Variants in GALNT17 observed in about 807,000 individuals in gnomAD.
The protein encoded by GALNT17 is polypeptide N-acetylgalactosaminyltransferase 17.
In GALNT17, 29 loss-of-function variants were observed where a neutral mutation model predicts 63.7. The observed-to-expected ratio is 0.46, with a 90% CI of 0.34 to 0.62. The LOEUF is 0.62. GALNT17 is among the 20% of genes least tolerant of loss of function. The pLI is 0.01. For synonymous variants in GALNT17, 305 were observed against 318.3 expected (o/e 0.96, Z 0.45); for missense variants, 603 against 799.6 (o/e 0.75, Z 2.97).
intron 2 of GALNT17, among the ~76,000 whole-genome samples, chr7:71,386,203 C>A (rs1792940457): frequency 6.6e-6 from 1 of 152,192 alleles, no homozygotes. Context: ...CTCCAGGAGA[C>A]AAACACATAT....
At chr7:71,423,556 G>T (rs139598504) in intron 5 of GALNT17, among the ~76,000 whole-genome samples, 1 of 152,200 alleles carries the variant, frequency 6.6e-6, no homozygotes, top group East Asian at 1.9e-4. Context: ...AATGAAGTAG[G>T]GATGAAGACT....
chr7:71,702,237 A>G (rs1791662063), intron 9 of GALNT17, among the ~76,000 whole-genome samples: 1 of 152,058 alleles, frequency 6.6e-6, no homozygotes, highest in Non-Finnish European at 1.5e-5. Context: ...ATTATGCAAT[A>G]TATCCATGTA....
At chr7:71,501,100 G>A (rs1476223324) in intron 5 of GALNT17, among the ~76,000 whole-genome samples, 1 of 152,082 alleles carries the variant, frequency 6.6e-6, no homozygotes, top group East Asian at 1.9e-4. Context: ...CTCCTGAGTA[G>A]CTGGGATTAC....
chr7:71,137,727 G>C (rs186585170), intron 1 of GALNT17, among the ~76,000 whole-genome samples: 315 of 152,304 alleles, frequency 2.1e-3, no homozygotes, highest in African/African-American at 7.0e-3. Context: ...TGAAGGGAAC[G>C]AGATCCTTCG....
At chr7:71,514,368 G>A (rs914387215) in intron 5 of GALNT17, among the ~76,000 whole-genome samples, 3 of 152,074 alleles carry the variant, frequency 2.0e-5, no homozygotes, top group Non-Finnish European at 4.4e-5. Flanking sequence ...CTTACCAGGT[G>A]AAAGGTAAAT....
chr7:71,329,504 C>A (rs1054125104), intron 1 of GALNT17, among the ~76,000 whole-genome samples: 1 of 151,976 alleles, frequency 6.6e-6, no homozygotes, highest in African/African-American at 2.4e-5. Flanking sequence ...AAAAACTACC[C>A]GAGACTGTGT....
At chr7:71,318,268 AC>A (rs1791535688) in intron 1 of GALNT17, among the ~76,000 whole-genome samples, 1 of 152,176 alleles carries the variant, frequency 6.6e-6, no homozygotes, top group Non-Finnish European at 1.5e-5. Context: ...ACAGGGAATC[AC>A]AGAACTTAGA....
At chr7:71,395,142 G>C (rs1793115706) in intron 3 of GALNT17, among the ~76,000 whole-genome samples, 2 of 152,212 alleles carry the variant, frequency 1.3e-5, no homozygotes, top group South Asian at 4.2e-4. Flanking sequence ...GTGATTTTCA[G>C]TATATTCAAA....
At chr7:71,556,239 G>T (rs145685874) in intron 5 of GALNT17, among the ~76,000 whole-genome samples, 206 of 152,288 alleles carry the variant, frequency 1.4e-3, no homozygotes, top group African/African-American at 4.5e-3. Context: ...CTGTCCTTGG[G>T]TAAACATCAT....
chr7:71,544,124 C>CT (rs60144462), intron 5 of GALNT17, among the ~76,000 whole-genome samples: 1,390 of 131,918 alleles, frequency 0.011, 23 homozygotes, highest in African/African-American at 0.028. Context: ...TTTCTTTTTT[C>CT]TTTTTTTTTT....
chr7:71,261,976 G>A (rs893926490), intron 1 of GALNT17, among the ~76,000 whole-genome samples: 8 of 152,158 alleles, frequency 5.3e-5, no homozygotes, highest in Non-Finnish European at 1.2e-4. Context: ...TGAGCACTGA[G>A]GGGGTCTACA....
At chr7:71,350,333 G>A (rs1166999166) in intron 2 of GALNT17, among the ~76,000 whole-genome samples, 1 of 152,032 alleles carries the variant, frequency 6.6e-6, no homozygotes, top group Non-Finnish European at 1.5e-5. Flanking sequence ...TGGAGGTTGA[G>A]GTTATAAGGG....
chr7:71,479,426 A>G (rs1390848564), intron 5 of GALNT17, among the ~76,000 whole-genome samples: 1 of 152,198 alleles, frequency 6.6e-6, no homozygotes, highest in Non-Finnish European at 1.5e-5. Flanking sequence ...TGACAGGTGG[A>G]GACAGCTTCC....
chr7:71,664,049 T>C (rs77876200), intron 6 of GALNT17, among the ~76,000 whole-genome samples: 66 of 151,286 alleles, frequency 4.4e-4, no homozygotes, highest in Middle Eastern at 3.4e-3. Context: ...TTTTTTTTTT[T>C]CCCACCTGGA....
chr7:71,186,446 G>A (rs1273066591), intron 1 of GALNT17, among the ~76,000 whole-genome samples: 2 of 152,166 alleles, frequency 1.3e-5, no homozygotes, highest in Non-Finnish European at 2.9e-5. Context: ...TGCCTCCTGG[G>A]GCAGGCCCAA....
At chr7:71,411,766 C>T (rs1212014519) in intron 3 of GALNT17, among the ~76,000 whole-genome samples, 1 of 152,184 alleles carries the variant, frequency 6.6e-6, no homozygotes, top group Non-Finnish European at 1.5e-5. Context: ...TTCTGTTTGT[C>T]TTGATCAACG....
At chr7:71,206,715 C>T (rs1197236849) in intron 1 of GALNT17, among the ~76,000 whole-genome samples, 1 of 152,060 alleles carries the variant, frequency 6.6e-6, no homozygotes, top group East Asian at 1.9e-4. Flanking sequence ...TGATCAGGGT[C>T]TCATATTTCT....
rs533548064 is a variant in GALNT17 at position 71,627,152 on chromosome 7, T to G, written c.1081-38259T>G. On this transcript the variant is annotated intron_variant, in intron 6 of 10. Coordinates refer to ENST00000333538, the MANE Select transcript of GALNT17 (RefSeq NM_022479.3). ...CAGACACGTTTGGAAGCTTGTGACT[T>G]AAACAGAGTTAAGTGGGCTTCACTG... Among the ~76,000 whole-genome samples the G allele has an allele frequency of 5.3e-5, 8 of 152,342 alleles. No homozygotes were observed. The South Asian group carries it at 1.5e-3, about 28-fold the overall frequency.
intron 1 of GALNT17, among the ~76,000 whole-genome samples, chr7:71,316,514 G>C (rs185991923): frequency 3.9e-5 from 6 of 152,270 alleles, no homozygotes; most frequent in Non-Finnish European, 8.8e-5. Context: ...ATTATTGTGA[G>C]GTTTGCAGCA....
Sources: gnomAD v4.1 joint callset for allele counts (sites outside exome capture counted in the v4.1 genomes callset) on GRCh38, gnomAD v4.1.1 for gene constraint, MANE v1.5 for transcripts, NCBI Gene and HGNC (gene_info 2026-07-23, HGNC 2026-07-21) for gene names.